The following RBM17 variants were observed in gnomAD, a reference collection of about 807,000 sequenced individuals.
RBM17 encodes splicing factor 45.
In RBM17, 7 loss-of-function variants were observed where a neutral mutation model predicts 53.2. The ratio of observed to expected loss-of-function variants is 0.13; its 90% confidence interval spans 0.07 to 0.25. The LOEUF (loss-of-function observed/expected upper bound fraction) is 0.25. Ranked by LOEUF, RBM17 falls within the 10% of genes least tolerant of loss-of-function variation. RBM17 has a pLI of 1.00. For missense variants in RBM17, 257 were observed against 496.7 expected, an observed-to-expected ratio of 0.52 and a Z score of 4.59; for synonymous variants, 167 against 178.1, an observed-to-expected ratio of 0.94 and a Z score of 0.50.
intron 10 of RBM17, 139 bp downstream of exon 10, chr10:6,114,286 T>C (rs947218773): frequency 1.8e-6 from 1 of 557,218 alleles, no homozygotes; most frequent in Non-Finnish European, 3.3e-6. Context: ...TTTGTACTTC[T>C]CTTGCTCAAT....
Position 6,104,850 on chromosome 10 carries a change from C to T in RBM17, c.241-81C>T, listed in dbSNP as rs769002084. The T allele has an allele frequency of 2.5e-6, 3 of 1,192,594 alleles. No homozygotes were observed. The African/African-American group carries it at 4.6e-5, about 18-fold the overall frequency. 73.9% of individuals were successfully genotyped at this position (1,192,594 alleles called of 1,614,324 possible). A position where few individuals can be genotyped will look rare whatever the true frequency, so the allele number is the denominator to read the frequency against. On this transcript the variant is annotated intron_variant, in intron 3 of 11. Transcript: ENST00000379888. ...GATGATGTTCAGAGTCCTTTTATCT[C>T]CCATACGCTTTGACCTGAATCCTGT...
chr10:6,111,983 G>C (rs1439490422), intron 7 of RBM17, among the ~76,000 whole-genome samples: 1 of 152,114 alleles, frequency 6.6e-6, no homozygotes, highest in Non-Finnish European at 1.5e-5. Context: ...TCCCCTCCAA[G>C]ACAACAGGAT....
rs770435435 is a variant in RBM17, at chr10:6,097,041, C to CT, written c.-18-4dup. 1.1e-5 allele frequency: 18 copies of CT among 1,606,948 alleles called. No individual in the cohort carries two copies. The highest frequency in any genetic ancestry group is 1.4e-5 in the Non-Finnish European group (16 of 1,177,300). On this transcript the variant is annotated splice_polypyrimidine_tract_variant and splice_region_variant and intron_variant, in intron 1 of 11. Coordinates refer to ENST00000379888, the MANE Select transcript of RBM17 (RefSeq NM_032905.5). ...ATTCTTTAATCCCCACCCCTTTTGC[C>CT]TTTCAGCATTAAACTGAAGAAAAGA... is the stretch of plus-strand genomic sequence containing the variant.
rs544022590 is a variant in RBM17, at chr10:6,110,230, C to G, written c.704+103C>G. 8.2e-5 allele frequency: 89 copies of G among 1,086,074 alleles called. 1 individual carries two copies. The African/African-American group carries it at 1.3e-3, about 16-fold the overall frequency. The allele number at this position is 1,086,074 out of a possible 1,614,324, so 67.3% of individuals were successfully genotyped here. A position where few individuals can be genotyped will look rare whatever the true frequency, so the allele number is the denominator to read the frequency against. On this transcript the variant is annotated intron_variant, in intron 7 of 11. Transcript: ENST00000379888. ...GTTTGAAACTGAGGACATTCAGGAC[C>G]CTTGGTGTGTGCAGGTCACACGGTA...
In RBM17 at chr10:6,106,367, C is replaced by T. The variant is rs1031282161; in HGVS notation, c.505+129C>T. The stretch of plus-strand genomic sequence containing the variant: ...ATTTGGGTAATTTTCTTTCTGGAAT[C>T]CCAGCAATACACATTTGCGTCACAG... On this transcript the variant is annotated intron_variant, in intron 5 of 11. Transcript: ENST00000379888. 8.8e-5 allele frequency: 56 copies of T among 634,746 alleles called. No individual in the cohort carries two copies. The South Asian group carries it at 1.1e-3, about 13-fold the overall frequency. The allele number at this position is 634,746 out of a possible 1,614,324, so 39.3% of individuals were successfully genotyped here. A position where few individuals can be genotyped will look rare whatever the true frequency, so the allele number is the denominator to read the frequency against.
At chr10:6,090,404 G>A (rs1397280075) in intron 1 of RBM17, among the ~76,000 whole-genome samples, 1 of 152,204 alleles carries the variant, frequency 6.6e-6, no homozygotes, top group African/African-American at 2.4e-5. Flanking sequence ...AGTTTAGTGA[G>A]CTAAACGAGA....
chr10:6,097,086 A>G lies in RBM17; in HGVS notation c.21A>G (p.Leu7=). 4 of 1,613,742 alleles carry G rather than the reference A, an allele frequency of 2.5e-6. No homozygotes were observed. The highest frequency in any genetic ancestry group is 3.4e-6 in the Non-Finnish European group (4 of 1,179,950). ...AAAAGATGTCCCTGTACGATGACCT[A>G]GGAGTGGAGACCAGTGACTCAAAAA... The part of the protein sequence containing the change: MSLYDD[L]GVETSDSKTE... Residue 7 remains leucine, a synonymous_variant, in exon 2 of 12, where the codon CTA becomes CTG. Coordinates refer to ENST00000379888, the MANE Select transcript of RBM17 (RefSeq NM_032905.5).
At chr10:6,098,563 G>GTGTTTTTTGTTTT (rs1554834988) in intron 2 of RBM17, among the ~76,000 whole-genome samples, 1 of 46,640 alleles carries the variant, frequency 2.1e-5, no homozygotes, top group African/African-American at 8.0e-5. Flanking sequence ...CAGGTTTTTT[G>GTGTTTTTTGTTTT]TTTTTTTTTT....
At chr10:6,093,908 C>G (rs375715858) in intron 1 of RBM17, among the ~76,000 whole-genome samples, 1 of 151,606 alleles carries the variant, frequency 6.6e-6, no homozygotes, top group Admixed American at 6.6e-5. Context: ...TAATTTTATG[C>G]ATGCAAAAAG....
At chr10:6,095,661 T>G (rs902793297) in intron 1 of RBM17, among the ~76,000 whole-genome samples, 3 of 152,172 alleles carry the variant, frequency 2.0e-5, no homozygotes, top group Admixed American at 6.5e-5. Context: ...GGTTCACGTA[T>G]GAAGGAATGG....
intron 2 of RBM17, 84 bp from the exon 3 acceptor site, chr10:6,101,187 G>T: frequency 1.3e-6 from 1 of 744,922 alleles, no homozygotes; most frequent in South Asian, 2.2e-5. Context: ...TTGTTGCAGG[G>T]ACCAGAAAGA....
chr10:6,114,214 C>T, intron 10 of RBM17, 67 bp downstream of exon 10: 1 of 910,878 alleles, frequency 1.1e-6, no homozygotes, highest in Non-Finnish European at 1.8e-6. Flanking sequence ...ACATTTTCTA[C>T]AAACAGGACA....
At chr10:6,107,345 T>G (rs1417470896) in intron 5 of RBM17, among the ~76,000 whole-genome samples, 1 of 151,912 alleles carries the variant, frequency 6.6e-6, no homozygotes, top group African/African-American at 2.4e-5. Context: ...GCCCATCTAA[T>G]TTTTACATTT....
At chr10:6,090,685 T>A (rs1840468536) in intron 1 of RBM17, among the ~76,000 whole-genome samples, 1 of 152,188 alleles carries the variant, frequency 6.6e-6, no homozygotes, top group South Asian at 2.1e-4. Flanking sequence ...TAGTCATCTC[T>A]CAAACCTTTC....
chr10:6,115,532 C>G lies in RBM17; in HGVS notation c.1182C>G (p.Val394=), dbSNP rs767988771. 1 of 1,612,502 alleles carries G rather than the reference C, an allele frequency of 6.2e-7. No individual in the cohort carries two copies. The highest frequency in any genetic ancestry group is 1.1e-5 in the South Asian group (1 of 91,038). The change falls in exon 12 of 12, where the codon GTC becomes GTG. Residue 394 remains valine, a synonymous_variant. Coordinates refer to ENST00000379888, the MANE Select transcript of RBM17 (RefSeq NM_032905.5). The part of the protein sequence containing the change: ...ACFYNLDKFR[V]LDLAEQV Reference sequence around the variant, plus strand: ...TCTACAATTTGGACAAATTCAGGGTCTTGGATTTGGCAGAACAAGTTTGAT... The same window carrying G: ...TCTACAATTTGGACAAATTCAGGGTGTTGGATTTGGCAGAACAAGTTTGAT...
chr10:6,105,659 A>C (rs992632943), intron 4 of RBM17, among the ~76,000 whole-genome samples: 1 of 152,254 alleles, frequency 6.6e-6, no homozygotes, highest in Non-Finnish European at 1.5e-5. Flanking sequence ...AATTTTTAAA[A>C]ATTCATATGC....
chr10:6,110,217 G>A, intron 7 of RBM17, 90 bp downstream of exon 7: 1 of 1,185,556 alleles, frequency 8.4e-7, no homozygotes, highest in South Asian at 1.8e-5. Context: ...TTGAAACTGA[G>A]GACATTCAGG....
At chr10:6,111,103 A>G (rs1840830095) in intron 7 of RBM17, among the ~76,000 whole-genome samples, 1 of 152,240 alleles carries the variant, frequency 6.6e-6, no homozygotes, top group Non-Finnish European at 1.5e-5. Context: ...GCCCTAGAAT[A>G]GCTTGTTCAA....
chr10:6,112,449 C>T lies in RBM17; in HGVS notation c.856+88C>T. 6.7e-7 allele frequency: 1 copy of T among 1,503,722 alleles called. No individual in the cohort carries two copies. The highest frequency in any genetic ancestry group is 9.1e-7 in the Non-Finnish European group (1 of 1,093,246). The allele number at this position is 1,503,722 out of a possible 1,614,324, so 93.1% of individuals were successfully genotyped here. A position where few individuals can be genotyped will look rare whatever the true frequency, so the allele number is the denominator to read the frequency against. On this transcript the variant is annotated intron_variant, in intron 8 of 11. Transcript: ENST00000379888. This position sits in a 1 kb window ranked among gnomAD's most constrained non-coding sequence, Gnocchi z 4.4. Reference sequence around the variant, plus strand: ...GCCAGTCTTGATCCTCATGTGTCAGCAGGGGGACAATGAGGCGTGTGGCCA... The same window carrying T: ...GCCAGTCTTGATCCTCATGTGTCAGTAGGGGGACAATGAGGCGTGTGGCCA...
Sources: gnomAD v4.1 joint callset for allele counts (sites outside exome capture counted in the v4.1 genomes callset) on GRCh38, gnomAD v4.1.1 for gene constraint, Gnocchi (gnomAD v3.1) non-coding constraint, MANE v1.5 for transcripts, NCBI Gene and HGNC (gene_info 2026-07-23, HGNC 2026-07-21) for gene names.